Variants in SHANK2 observed in about 807,000 individuals in gnomAD.
SHANK2 encodes the protein SH3 and multiple ankyrin repeat domains 2, also known as SH3 and multiple ankyrin repeat domains protein 2.
In SHANK2, 43 loss-of-function variants were observed where a neutral mutation model predicts 133.7. That is an observed-to-expected ratio of 0.32 (90% CI 0.25 to 0.41). SHANK2 has a LOEUF of 0.41. Ranked by LOEUF, SHANK2 falls within the 10% of genes least tolerant of loss-of-function variation. The pLI, the probability that SHANK2 is intolerant of heterozygous loss-of-function variation, is 1.00. For missense variants in SHANK2, 1,994 were observed against 2,235.8 expected (o/e 0.89, Z 2.18); for synonymous variants, 1,017 against 952.8 (o/e 1.07, Z -1.24).
intron 2 of SHANK2, among the ~76,000 whole-genome samples, chr11:71,148,115 A>C (rs562839579): frequency 7.3e-6 from 1 of 137,764 alleles, no homozygotes; most frequent in East Asian, 2.2e-4. Flanking sequence ...ATGGAGTTTC[A>C]CTCTTGTCGC....
At chr11:70,947,155 A>G (rs1950758881) in intron 10 of SHANK2, among the ~76,000 whole-genome samples, 2 of 126,876 alleles carry the variant, frequency 1.6e-5, no homozygotes, top group Non-Finnish European at 3.8e-5. Flanking sequence ...ACACACACAC[A>G]CACACACACA....
At chr11:70,512,850 G>C (rs781872223) in intron 17 of SHANK2, among the ~76,000 whole-genome samples, 2 of 152,182 alleles carry the variant, frequency 1.3e-5, no homozygotes, top group African/African-American at 4.8e-5. Flanking sequence ...TCCCCAAATA[G>C]AGTTAGGACA....
intron 14 of SHANK2, among the ~76,000 whole-genome samples, chr11:70,704,443 A>C (rs908823824): frequency 2.0e-5 from 3 of 152,218 alleles, no homozygotes; most frequent in Non-Finnish European, 4.4e-5. Context: ...TCAGGAGGCC[A>C]AGCAGCCCAC....
intron 14 of SHANK2, among the ~76,000 whole-genome samples, chr11:70,761,942 T>C (rs535124575): frequency 1.3e-5 from 2 of 152,196 alleles, no homozygotes; most frequent in Admixed American, 6.5e-5. Flanking sequence ...CTGCTGCTGG[T>C]CTGGGGCATC....
chr11:70,516,392 A>G (rs1022784719), intron 17 of SHANK2, among the ~76,000 whole-genome samples: 1 of 152,268 alleles, frequency 6.6e-6, no homozygotes, highest in African/African-American at 2.4e-5. Context: ...AGTCTTTTCA[A>G]CAAGCCATGC....
intron 17 of SHANK2, among the ~76,000 whole-genome samples, chr11:70,640,359 G>A (rs943071458): frequency 1.3e-5 from 2 of 152,162 alleles, no homozygotes; most frequent in South Asian, 2.1e-4. Context: ...GACGAGCGAC[G>A]CAGCCATGAG....
Position 71,113,405 on chromosome 11 carries a change from A to G in SHANK2, c.412-41T>C, listed in dbSNP as rs1192253279. On this transcript the variant is annotated intron_variant, in intron 4 of 25. Transcript: ENST00000601538. ...AAAAAGAGAGAGAAAACAAGTCAAT[A>G]CTTCTCAGAGTTGTTCAGAGGGAAA... is the stretch of plus-strand genomic sequence containing the variant. 3 of 1,528,172 alleles carry G rather than the reference A, an allele frequency of 2.0e-6. No individual in the cohort carries two copies. In the African/African-American group the frequency reaches 4.1e-5, roughly 21 times the overall value. 94.7% of individuals were successfully genotyped at this position (1,528,172 alleles called of 1,614,324 possible).
At chr11:70,658,560 A>C (rs1329247610) in intron 17 of SHANK2, among the ~76,000 whole-genome samples, 2 of 152,222 alleles carry the variant, frequency 1.3e-5, no homozygotes, top group African/African-American at 4.8e-5. Context: ...CAAATCAAAG[A>C]GATCAACATG....
intron 17 of SHANK2, among the ~76,000 whole-genome samples, chr11:70,614,227 G>A (rs374730733): frequency 3.3e-5 from 5 of 152,110 alleles, no homozygotes; most frequent in South Asian, 4.1e-4. Context: ...TGGAGGGAGC[G>A]CTGCCCTGCT....
At chr11:70,767,114 C>T (rs111518373) in intron 14 of SHANK2, among the ~76,000 whole-genome samples, 24 of 152,228 alleles carry the variant, frequency 1.6e-4, no homozygotes, top group African/African-American at 4.3e-4. Flanking sequence ...TGGACATGGG[C>T]GCTGGGCTTT....
chr11:70,639,041 G>A (rs2061143974), intron 17 of SHANK2, among the ~76,000 whole-genome samples: 1 of 152,012 alleles, frequency 6.6e-6, no homozygotes, highest in Non-Finnish European at 1.5e-5. Context: ...AACATTGAGA[G>A]TCCATGGCTC....
rs1188664947 is a variant in SHANK2 at position 70,617,994 on chromosome 11, T to TA, written c.2061+41833dup. 9.2e-5 allele frequency among the ~76,000 whole-genome samples: 14 copies of TA among 151,634 alleles called. No homozygotes were observed. The South Asian group carries it at 1.3e-3, about 14-fold the overall frequency. On this transcript the variant is annotated intron_variant, in intron 17 of 25. Transcript: ENST00000601538. ...CCTAAAACTTAAAGTATAATAATAATAAAAAAAAGATGTTTGATTCAGGCT... is the reference window on the plus strand; with the variant it reads ...CCTAAAACTTAAAGTATAATAATAATAAAAAAAAAGATGTTTGATTCAGGCT...
At chr11:70,700,251 C>T (rs1945490076) in intron 14 of SHANK2, among the ~76,000 whole-genome samples, 1 of 152,184 alleles carries the variant, frequency 6.6e-6, no homozygotes, top group Non-Finnish European at 1.5e-5. Flanking sequence ...GTCACTGACA[C>T]TTATTGAGCA....
chr11:71,085,209 C>A (rs1218213851), intron 8 of SHANK2, among the ~76,000 whole-genome samples: 11 of 152,010 alleles, frequency 7.2e-5, no homozygotes, highest in African/African-American at 2.7e-4. Flanking sequence ...GTAATCCCAG[C>A]ACTTTGGGAG....
rs374736697 is a variant in SHANK2 at position 70,862,890 on chromosome 11, C to A, written c.1174+33611G>T. The A allele has an allele frequency of 3.5e-4, 91 of 259,732 alleles. 1 individual carries two copies. The East Asian group carries it at 5.1e-3, about 15-fold the overall frequency. The allele number at this position is 259,732 out of a possible 1,614,324, so 16.1% of individuals were successfully genotyped here. A position where few individuals can be genotyped will look rare whatever the true frequency, so the allele number is the denominator to read the frequency against. On this transcript the variant is annotated intron_variant, in intron 11 of 25. Transcript: ENST00000601538. The stretch of plus-strand genomic sequence containing the variant: ...GAGGTAAGAATTTGGGAGGAGGAGA[C>A]ATGGGTGTGGGGCTGATTTTGCTGA...
At chr11:70,528,989 G>A (rs540298777) in intron 17 of SHANK2, among the ~76,000 whole-genome samples, 17 of 152,260 alleles carry the variant, frequency 1.1e-4, no homozygotes, top group Admixed American at 3.3e-4. Context: ...GGGAGGAGAC[G>A]GGATCTCCTC....
chr11:70,708,012 C>G (rs1339018234), intron 14 of SHANK2, among the ~76,000 whole-genome samples: 1 of 152,208 alleles, frequency 6.6e-6, no homozygotes, highest in Non-Finnish European at 1.5e-5. Context: ...GACATCACAG[C>G]TGGGGCGACA....
intron 17 of SHANK2, among the ~76,000 whole-genome samples, chr11:70,599,917 AAG>A (rs781965109): frequency 9.0e-5 from 7 of 77,474 alleles, no homozygotes; most frequent in African/African-American, 3.6e-4. Flanking sequence ...GAAAGAAAGA[AAG>A]AAAGAAAGAA....
Position 70,479,179 on chromosome 11 carries a change from C to G in SHANK2, c.4980-5740G>C, listed in dbSNP as rs912654459. 2.0e-5 allele frequency among the ~76,000 whole-genome samples: 3 copies of G among 152,252 alleles called. No individual in the cohort carries two copies. The highest frequency in any genetic ancestry group is 4.4e-5 in the Non-Finnish European group (3 of 68,046). Reference sequence around the variant, plus strand: ...GTCGCATTCACTGATGTCACATTCACTTTTCCATCAGGGCCTGGAAACCCT... The same window carrying G: ...GTCGCATTCACTGATGTCACATTCAGTTTTCCATCAGGGCCTGGAAACCCT... On this transcript the variant is annotated intron_variant, in intron 25 of 25. Transcript: ENST00000601538. The surrounding 1 kb of genome is among the most constrained non-coding windows in gnomAD (Gnocchi z 4.4).
Sources: allele counts gnomAD v4.1 joint callset (sites outside exome capture counted in the v4.1 genomes callset), GRCh38; gene constraint gnomAD v4.1.1; non-coding constraint Gnocchi (gnomAD v3.1); transcripts MANE v1.5; gene names NCBI Gene and HGNC (gene_info 2026-07-23, HGNC 2026-07-21).